The following MAPK8 variants were observed in gnomAD, a reference collection of about 807,000 sequenced individuals.
The protein encoded by MAPK8 is mitogen-activated protein kinase 8, also known as JUN N-terminal kinase.
Under a neutral mutation model 52.9 loss-of-function variants are expected in MAPK8, and 13 were observed. The ratio of observed to expected loss-of-function variants is 0.25; its 90% confidence interval spans 0.16 to 0.39. MAPK8 has a LOEUF of 0.39. Among genes scored for constraint, MAPK8 ranks in the 10% least tolerant of loss-of-function variants. The pLI is 1.00. For synonymous variants in MAPK8, 191 were observed against 169.8 expected (o/e 1.12, Z -0.97); for missense variants, 300 against 519.2 (o/e 0.58, Z 4.10).
In MAPK8 at chr10:48,336,768, C is replaced by T. The variant is rs1474263936; in HGVS notation, c.-50+29947C>T. On this transcript the variant is annotated intron_variant, in intron 1 of 11. Transcript: ENST00000374189. ...GCCAGTGAAAAAGGCAAAAGGTAGG[C>T]ATTTCTGGAATGGAACTTTTATTTC... Among the ~76,000 whole-genome samples, 3 of 152,210 alleles carry T rather than the reference C, an allele frequency of 2.0e-5. No individual in the cohort carries two copies. The East Asian group carries it at 5.8e-4, about 29-fold the overall frequency.
chr10:48,346,570 C>T (rs1845805629), intron 1 of MAPK8, among the ~76,000 whole-genome samples: 1 of 152,108 alleles, frequency 6.6e-6, no homozygotes, highest in Admixed American at 6.5e-5. Flanking sequence ...TCTCCCTTTC[C>T]CCGGGGGAGT....
chr10:48,382,318 A>G (rs981843297), intron 1 of MAPK8, among the ~76,000 whole-genome samples: 1 of 152,214 alleles, frequency 6.6e-6, no homozygotes, highest in Non-Finnish European at 1.5e-5. Flanking sequence ...AGCTAATTTT[A>G]TTTCTCAAAG....
chr10:48,387,959 A>G (rs918775378), intron 1 of MAPK8, among the ~76,000 whole-genome samples: 10 of 152,208 alleles, frequency 6.6e-5, no homozygotes, highest in Admixed American at 2.0e-4. Context: ...TCCTCAACTC[A>G]TAAAAGCCAA....
intron 3 of MAPK8, among the ~76,000 whole-genome samples, chr10:48,408,942 C>CT (rs1371999291): frequency 6.6e-6 from 1 of 152,170 alleles, no homozygotes; most frequent in Admixed American, 6.5e-5. Flanking sequence ...AAAAATTGCT[C>CT]TTTTCGTCTT....
At chr10:48,388,128 G>C (rs2041420716) in intron 1 of MAPK8, among the ~76,000 whole-genome samples, 1 of 152,138 alleles carries the variant, frequency 6.6e-6, no homozygotes, top group Admixed American at 6.5e-5. Flanking sequence ...ATTCTAAAAT[G>C]TTCCTTCTTG....
intron 1 of MAPK8, among the ~76,000 whole-genome samples, chr10:48,384,112 T>G (rs1009123671): frequency 6.6e-6 from 1 of 152,044 alleles, no homozygotes; most frequent in Non-Finnish European, 1.5e-5. Flanking sequence ...ATTAGCCAGG[T>G]GTGGTAGCGG....
At chr10:48,409,977 T>G (rs2042664014) in intron 4 of MAPK8, 40 bp downstream of exon 4, 2 of 1,608,102 alleles carry the variant, frequency 1.2e-6, no homozygotes. Flanking sequence ...TTAGTACATT[T>G]TTCTTAGATT....
chr10:48,399,307 T>G (rs536296559), intron 1 of MAPK8, among the ~76,000 whole-genome samples: 2 of 152,356 alleles, frequency 1.3e-5, no homozygotes, highest in Admixed American at 1.3e-4. Context: ...TAAATCAGGT[T>G]TGAATATTGC....
At chr10:48,332,245 A>G (rs986618545) in intron 1 of MAPK8, among the ~76,000 whole-genome samples, 1 of 152,170 alleles carries the variant, frequency 6.6e-6, no homozygotes, top group African/African-American at 2.4e-5. Flanking sequence ...TGTGAAATCT[A>G]CTTGAATGCT....
In MAPK8 at chr10:48,424,068, T is replaced by G. The variant is rs2043524751; in HGVS notation, c.617-20T>G. 6.3e-7 allele frequency: 1 copy of G among 1,598,788 alleles called. No homozygotes were observed. Among genetic ancestry groups the G allele is most frequent in the South Asian group, 1.1e-5 (1 of 88,956 alleles). On this transcript the variant is annotated intron_variant, in intron 6 of 11. Transcript: ENST00000374189. ...GACCTTTTGCTTTGCTTTTCCTTCT[T>G]TTGTGCTGCAAACATATAGTGGATT...
chr10:48,392,295 G>A (rs990199628), intron 1 of MAPK8, among the ~76,000 whole-genome samples: 2 of 152,032 alleles, frequency 1.3e-5, no homozygotes, highest in Non-Finnish European at 2.9e-5. Context: ...AAGGAGGATG[G>A]GAAAATCAGA....
At chr10:48,324,502 AG>A (rs902534274) in intron 1 of MAPK8, among the ~76,000 whole-genome samples, 2 of 54,358 alleles carry the variant, frequency 3.7e-5, no homozygotes, top group African/African-American at 3.0e-4. Flanking sequence ...CCTGTTTTCT[AG>A]TTTTTTTTTT....
intron 1 of MAPK8, among the ~76,000 whole-genome samples, chr10:48,394,628 T>C (rs1330540107): frequency 1.3e-5 from 2 of 151,912 alleles, no homozygotes; most frequent in East Asian, 3.8e-4. Flanking sequence ...TCCTATAATA[T>C]ATATATCATG....
chr10:48,386,648 T>TA, intron 1 of MAPK8, among the ~76,000 whole-genome samples: 1 of 152,166 alleles, frequency 6.6e-6, no homozygotes, highest in Non-Finnish European at 1.5e-5. Context: ...TTCCGTTACT[T>TA]ATATTTGTTA....
At chr10:48,431,874 A>G (rs1039346708) in intron 11 of MAPK8, among the ~76,000 whole-genome samples, 2 of 152,242 alleles carry the variant, frequency 1.3e-5, no homozygotes, top group African/African-American at 4.8e-5. Flanking sequence ...CTAAGTACAT[A>G]CCACATAACA....
At chr10:48,324,054 C>G (rs544445991) in intron 1 of MAPK8, among the ~76,000 whole-genome samples, 1 of 152,310 alleles carries the variant, frequency 6.6e-6, no homozygotes, top group South Asian at 2.1e-4. Context: ...TTCAGACATA[C>G]ACATTGAAAG....
intron 9 of MAPK8, 171 bp downstream of exon 9, chr10:48,426,675 C>T: frequency 1.6e-6 from 1 of 638,560 alleles, no homozygotes; most frequent in East Asian, 3.1e-5. Context: ...CATATTCGAG[C>T]CCCTCCTACA....
At chr10:48,380,590 C>T (rs539752567) in intron 1 of MAPK8, among the ~76,000 whole-genome samples, 5 of 152,026 alleles carry the variant, frequency 3.3e-5, no homozygotes, top group South Asian at 2.1e-4. Context: ...AAAAATTAGC[C>T]GGGCGTGGTG....
At chr10:48,308,807 C>T (rs1841659372) in intron 1 of MAPK8, among the ~76,000 whole-genome samples, 1 of 152,048 alleles carries the variant, frequency 6.6e-6, no homozygotes, top group Non-Finnish European at 1.5e-5. Context: ...GTTTTAAGTT[C>T]TAACTTGTAT....
Sources: allele counts gnomAD v4.1 joint callset (sites outside exome capture counted in the v4.1 genomes callset), GRCh38; gene constraint gnomAD v4.1.1; transcripts MANE v1.5; gene names NCBI Gene and HGNC (gene_info 2026-07-23, HGNC 2026-07-21).